BRCA1: variants seen among roughly 807,000 people sequenced by gnomAD.
The protein encoded by BRCA1 is BRCA1 DNA repair associated.
BRCA1 carries 140 observed loss-of-function variants against 173.7 expected under a neutral mutation model. The observed-to-expected ratio is 0.81, with a 90% CI of 0.70 to 0.93. The LOEUF (loss-of-function observed/expected upper bound fraction) is 0.93. BRCA1 is among the 40% of genes least tolerant of loss of function. BRCA1 has a pLI of 0.00. For missense variants in BRCA1, 1,983 were observed against 2,172.5 expected (o/e 0.91, Z 1.73); for synonymous variants, 662 against 756.0 (o/e 0.88, Z 2.04).
chr17:43,082,927 CATTTT>C (rs1410126742), intron 11 of BRCA1, among the ~76,000 whole-genome samples: 1 of 152,114 alleles, frequency 6.6e-6, no homozygotes. Flanking sequence ...AATCTGTTAA[CATTTT>C]ATTTATATGG....
intron 16 of BRCA1, among the ~76,000 whole-genome samples, chr17:43,065,124 T>C (rs953951870): frequency 5.9e-5 from 9 of 152,116 alleles, no homozygotes; most frequent in African/African-American, 1.9e-4. Flanking sequence ...GCCACCACGC[T>C]TGGCATCTTT....
At chr17:43,076,001 G>A (rs995750739) in intron 13 of BRCA1, among the ~76,000 whole-genome samples, 4 of 151,904 alleles carry the variant, frequency 2.6e-5, no homozygotes, top group Non-Finnish European at 5.9e-5. Context: ...GCTAAGGTGG[G>A]AGGATTGCTT....
At chr17:43,108,975 A>T (rs1214495670) in intron 3 of BRCA1, among the ~76,000 whole-genome samples, 3 of 152,112 alleles carry the variant, frequency 2.0e-5, no homozygotes, top group Non-Finnish European at 4.4e-5. Context: ...CCTGGGCAAC[A>T]AGAGCGAAAC....
intron 16 of BRCA1, among the ~76,000 whole-genome samples, chr17:43,065,383 C>G (rs1356808220): frequency 2.0e-5 from 3 of 151,990 alleles, no homozygotes; most frequent in African/African-American, 7.2e-5. Flanking sequence ...AAAGAATCAT[C>G]ATAGGCTAGG....
At chr17:43,100,487 G>A (rs1180708082) in intron 6 of BRCA1, among the ~76,000 whole-genome samples, 4 of 139,274 alleles carry the variant, frequency 2.9e-5, no homozygotes, top group African/African-American at 8.1e-5. Flanking sequence ...GTCTACAAGC[G>A]TGTGCAACTA....
rs1037702107 is a variant in BRCA1, at chr17:43,056,398, C to T, written c.5277+654G>A. 5.3e-5 allele frequency among the ~76,000 whole-genome samples: 8 copies of T among 152,132 alleles called. No individual in the cohort carries two copies. In the South Asian group the frequency reaches 8.3e-4, roughly 16 times the overall value. ...TTTGCCATGTTGCCCAGGCTGGTATCGAACTCCTTGGCTCAAGCGATCTGC... is the reference window on the plus strand; with the variant it reads ...TTTGCCATGTTGCCCAGGCTGGTATTGAACTCCTTGGCTCAAGCGATCTGC... On this transcript the variant is annotated intron_variant, in intron 19 of 22. Coordinates refer to ENST00000357654, the MANE Select transcript of BRCA1 (RefSeq NM_007294.4).
intron 1 of BRCA1, among the ~76,000 whole-genome samples, chr17:43,149,265 G>GTTT (rs57452879): frequency 1.7e-5 from 2 of 116,924 alleles, no homozygotes; most frequent in African/African-American, 2.9e-5. Flanking sequence ...CACCGGGCTA[G>GTTT]TTTTTTTTTT....
Position 43,074,415 on chromosome 17 carries a change from C to A in BRCA1, c.4591G>T (p.Val1531Phe), listed in dbSNP as rs1555581897. The A allele has an allele frequency of 6.2e-7, 1 of 1,614,174 alleles. No individual in the cohort carries two copies. The highest frequency in any genetic ancestry group is 8.5e-7 in the Non-Finnish European group (1 of 1,180,028). Residue 1531 changes from valine (V) to phenylalanine (F), a missense_variant, in exon 14 of 23, where the codon GTT (valine) becomes TTT (phenylalanine). Val to Phe is a conservative substitution (Grantham distance 50). Transcript: ENST00000357654. ...NYPSQEELIK[V>F]VDVEEQQLEE... is the part of the protein sequence containing the mutation. ...AGCTGTTGCTCCTCCACATCAACAACCTTAATGAGCTCCTCTTGAGATGGG... is the reference window on the plus strand; with the variant it reads ...AGCTGTTGCTCCTCCACATCAACAAACTTAATGAGCTCCTCTTGAGATGGG...
chr17:43,077,601 G>A (rs937129890), intron 12 of BRCA1, among the ~76,000 whole-genome samples: 3 of 150,942 alleles, frequency 2.0e-5, no homozygotes, highest in Admixed American at 6.6e-5. Flanking sequence ...CCCAAAGTGC[G>A]GGGATTACAG....
chr17:43,061,413 G>A (rs1184696380), intron 18 of BRCA1, among the ~76,000 whole-genome samples: 1 of 151,964 alleles, frequency 6.6e-6, no homozygotes, highest in Non-Finnish European at 1.5e-5. Flanking sequence ...CCCCTCGACA[G>A]AACCTGAATC....
chr17:43,119,786 T>C (rs2055465960), intron 2 of BRCA1, among the ~76,000 whole-genome samples: 1 of 152,214 alleles, frequency 6.6e-6, no homozygotes, highest in Admixed American at 6.5e-5. Context: ...ACCAGATGGC[T>C]TTCATTCTCA....
In BRCA1 at chr17:43,045,426, T is replaced by C; in HGVS notation, c.*252A>G. 2 of 684,688 alleles carry C rather than the reference T, an allele frequency of 2.9e-6. No homozygotes were observed. Among genetic ancestry groups the C allele is most frequent in the Non-Finnish European group, 5.3e-6 (2 of 377,334 alleles). 42.4% of individuals were successfully genotyped at this position (684,688 alleles called of 1,614,324 possible). On this transcript the variant is annotated 3_prime_UTR_variant, in exon 23 of 23. Transcript: ENST00000357654. ...CTCAATTGGTGGCGTTTAAATGGTT[T>C]TAAAATCTTCTCAGGTGAAAAATTA...
chr17:43,155,308 T>G (rs1437815097), intron 1 of BRCA1, among the ~76,000 whole-genome samples: 1 of 152,122 alleles, frequency 6.6e-6, no homozygotes, highest in African/African-American at 2.4e-5. Flanking sequence ...TAGCTGGGAC[T>G]AAAGGCATGC....
intron 1 of BRCA1, among the ~76,000 whole-genome samples, chr17:43,137,780 G>A (rs1331229413): frequency 2.0e-5 from 3 of 152,104 alleles, no homozygotes; most frequent in Admixed American, 1.3e-4. Context: ...AGGAGGCTGA[G>A]GCAGGAGAAT....
At chr17:43,122,854 G>A (rs796961466) in intron 2 of BRCA1, among the ~76,000 whole-genome samples, 10 of 151,600 alleles carry the variant, frequency 6.6e-5, no homozygotes, top group African/African-American at 2.4e-4. Flanking sequence ...AGACTATCCT[G>A]GCTAACACGG....
chr17:43,104,249 T>C lies in BRCA1; in HGVS notation c.314A>G (p.Tyr105Cys), dbSNP rs28897673. 291 of 1,610,448 alleles carry C rather than the reference T, an allele frequency of 1.8e-4. 1 individual carries two copies. The highest frequency in any genetic ancestry group is 4.9e-4 in the Middle Eastern group (3 of 6,076). Residue 105 changes from tyrosine to cysteine, a missense_variant, in exon 6 of 23, where the codon TAT (tyrosine) becomes TGT (cysteine). Tyr to Cys is a radical substitution (Grantham distance 194, BLOSUM62 -2). Coordinates refer to ENST00000357654, the MANE Select transcript of BRCA1 (RefSeq NM_007294.4). ...GTTATTTTCCTTTTTTGCAAAATTA[T>C]AGCTGTTTGCATCTGTAAAATACAA... ...LDTGLEYANS[Y>C]NFAKKENNSP...
At chr17:43,063,436 TAG>T in intron 17 of BRCA1, 63 bp from the exon 18 acceptor site, 1 of 1,380,668 alleles carries the variant, frequency 7.2e-7, no homozygotes, top group Non-Finnish European at 1.0e-6. Flanking sequence ...TTCACGGAGA[TAG>T]AGAGGTCAGC....
chr17:43,151,949 G>A (rs2056164622), intron 1 of BRCA1, among the ~76,000 whole-genome samples: 1 of 152,166 alleles, frequency 6.6e-6, no homozygotes, highest in South Asian at 2.1e-4. Flanking sequence ...GTACCATTAA[G>A]TGCCAGAGAC....
intron 3 of BRCA1, among the ~76,000 whole-genome samples, chr17:43,113,142 G>A (rs2055116308): frequency 6.6e-6 from 1 of 151,822 alleles, no homozygotes; most frequent in Non-Finnish European, 1.5e-5. Flanking sequence ...TGGGCTCAAA[G>A]CACCTCAGCA....
Sources: gnomAD v4.1 joint callset for allele counts (sites outside exome capture counted in the v4.1 genomes callset) on GRCh38, gnomAD v4.1.1 for gene constraint, MANE v1.5 for transcripts, NCBI Gene and HGNC (gene_info 2026-07-23, HGNC 2026-07-21) for gene names.